The following CSMD1 variants were observed in gnomAD, a reference collection of about 807,000 sequenced individuals.
The protein encoded by CSMD1 is CUB and sushi domain-containing protein 1.
A neutral mutation model predicts 417.5 loss-of-function variants in CSMD1; 213 were observed. The ratio of observed to expected loss-of-function variants is 0.51; its 90% CI spans 0.46 to 0.57. The LOEUF (loss-of-function observed/expected upper bound fraction) is 0.57, where lower values mean the gene tolerates loss of function less well. Ranked by LOEUF, CSMD1 falls within the 20% of genes least tolerant of loss-of-function variation. The probability of loss-of-function intolerance (pLI) is 0.00; values close to 1 mark genes in which losing one functional copy is unlikely to be tolerated. For synonymous variants in CSMD1, 2,862 were observed against 1,736.8 expected (o/e 1.65, Z -16.11); for missense variants, 6,923 against 4,529.7 (o/e 1.53, Z -15.17).
intron 11 of CSMD1, among the ~76,000 whole-genome samples, chr8:3,472,123 A>T (rs2117202610): frequency 6.6e-6 from 1 of 152,134 alleles, no homozygotes; most frequent in Admixed American, 6.5e-5. Context: ...CCTGTGGGCA[A>T]TCTGATAATG....
intron 1 of CSMD1, among the ~76,000 whole-genome samples, chr8:4,794,710 G>C (rs1178948011): frequency 6.6e-6 from 1 of 152,196 alleles, no homozygotes; most frequent in African/African-American, 2.4e-5. Flanking sequence ...CCATGTGGCA[G>C]AGTATTTTCT....
intron 1 of CSMD1, among the ~76,000 whole-genome samples, chr8:4,943,843 A>C (rs1808189773): frequency 6.6e-6 from 1 of 152,222 alleles, no homozygotes; most frequent in South Asian, 2.1e-4. Context: ...GAACAAATCG[A>C]AGCCAAGATA....
At chr8:4,101,827 C>T (rs530383115) in intron 3 of CSMD1, among the ~76,000 whole-genome samples, 7 of 4,782 alleles carry the variant, frequency 1.5e-3, no homozygotes, top group East Asian at 0.12. Context: ...TTACTCACTC[C>T]GCACATCTCT....
chr8:2,988,288 A>C (rs1181420644), intron 54 of CSMD1, among the ~76,000 whole-genome samples: 1 of 152,166 alleles, frequency 6.6e-6, no homozygotes, highest in African/African-American at 2.4e-5. Context: ...ATGCTTATGT[A>C]CATAAGCATA....
chr8:4,210,505 CTT>C (rs1392625440), intron 3 of CSMD1, among the ~76,000 whole-genome samples: 3 of 151,980 alleles, frequency 2.0e-5, no homozygotes, highest in African/African-American at 4.8e-5. Context: ...ATTTTCTTCT[CTT>C]ATATCTTAGT....
chr8:4,356,816 C>T lies in CSMD1; in HGVS notation c.415+63137G>A, dbSNP rs143283673. On this transcript the variant is annotated intron_variant, in intron 3 of 69. Coordinates refer to ENST00000635120, the MANE Select transcript of CSMD1 (RefSeq NM_033225.6). Reference sequence around the variant, plus strand: ...CAGGCCCAGCCCCTGACCGACTTGACAATGGCGCACATTCCTAGTTGTTCA... The same window carrying T: ...CAGGCCCAGCCCCTGACCGACTTGATAATGGCGCACATTCCTAGTTGTTCA... Among the ~76,000 whole-genome samples, 857 of 152,310 alleles carry T rather than the reference C, an allele frequency of 5.6e-3. 6 individuals carry two copies. Among genetic ancestry groups the T allele is most frequent in the African/African-American group, 0.019 (785 of 41,572 alleles).
intron 2 of CSMD1, among the ~76,000 whole-genome samples, chr8:4,556,084 G>A (rs1305189540): frequency 1.3e-5 from 2 of 151,728 alleles, no homozygotes; most frequent in Non-Finnish European, 2.9e-5. Context: ...ATTTACTTAG[G>A]GAATGTTTGC....
At position 3,289,952 on chromosome 8, in the gene CSMD1, A is replaced by G. The variant is rs576025259; in HGVS notation, c.3951-5606T>C. On this transcript the variant is annotated intron_variant, in intron 25 of 69. Coordinates refer to ENST00000635120, the MANE Select transcript of CSMD1 (RefSeq NM_033225.6). ...TTAGGTTTTCTTCTAGGGTTTTTAT[A>G]GTATTAGGTCTAACATTTAAGTCTT... Among the ~76,000 whole-genome samples, 304 of 147,558 alleles carry G rather than the reference A, an allele frequency of 2.1e-3. 12 individuals carry two copies. In the Middle Eastern group the frequency reaches 0.041, roughly 20 times the overall value.
intron 3 of CSMD1, among the ~76,000 whole-genome samples, chr8:4,342,213 GTGTGTGTGTGTGTGTGTGT>G (rs1800518065): frequency 8.9e-5 from 1 of 11,222 alleles, no homozygotes; most frequent in African/African-American, 4.6e-4. Context: ...GTCTGTGTGT[GTGTGTGTGTGTGTGTGTGT>G]CTGTGTGTGT....
At chr8:4,103,171 A>C (rs1801392695) in intron 3 of CSMD1, among the ~76,000 whole-genome samples, 2 of 152,162 alleles carry the variant, frequency 1.3e-5, no homozygotes, top group Admixed American at 1.3e-4. Context: ...GCCAGTCAGC[A>C]CAAAACCAGT....
intron 2 of CSMD1, among the ~76,000 whole-genome samples, chr8:4,515,986 C>T (rs1803097684): frequency 6.6e-6 from 1 of 152,150 alleles, no homozygotes; most frequent in Non-Finnish European, 1.5e-5. Context: ...AGCTGTTACC[C>T]ATTGATAAGA....
At chr8:3,769,802 C>G (rs1043243867) in intron 5 of CSMD1, among the ~76,000 whole-genome samples, 4 of 152,154 alleles carry the variant, frequency 2.6e-5, no homozygotes, top group African/African-American at 4.8e-5. Context: ...AGCACATCAC[C>G]TTACGATGCA....
At position 3,224,775 on chromosome 8, in the gene CSMD1, G is replaced by A. The variant is rs532418903; in HGVS notation, c.4346-908C>T. Among the ~76,000 whole-genome samples the A allele has an allele frequency of 4.9e-4, 74 of 152,282 alleles. No individual in the cohort carries two copies. The South Asian group carries it at 0.015, about 32-fold the overall frequency. On this transcript the variant is annotated intron_variant, in intron 27 of 69. Transcript: ENST00000635120. The stretch of plus-strand genomic sequence containing the variant: ...AATAGGCAAGCCAGTTTTTGTTCTT[G>A]AATTGGAAAGTATTTAGGATTGTTT...
chr8:4,718,270 C>T (rs1216308561), intron 1 of CSMD1, among the ~76,000 whole-genome samples: 1 of 152,192 alleles, frequency 6.6e-6, no homozygotes, highest in Non-Finnish European at 1.5e-5. Context: ...AGCCACCATG[C>T]TAAACCATAC....
intron 4 of CSMD1, among the ~76,000 whole-genome samples, chr8:4,022,383 A>G (rs1231279939): frequency 6.6e-6 from 1 of 152,056 alleles, no homozygotes; most frequent in Non-Finnish European, 1.5e-5. Context: ...CACTGTAAAA[A>G]TTATGGGAGG....
chr8:4,838,300 T>C (rs917081897), intron 1 of CSMD1, among the ~76,000 whole-genome samples: 1 of 152,206 alleles, frequency 6.6e-6, no homozygotes, highest in Non-Finnish European at 1.5e-5. Flanking sequence ...GTCACTGTGC[T>C]AACGTAAGCG....
intron 1 of CSMD1, among the ~76,000 whole-genome samples, chr8:4,849,406 C>G (rs185493592): frequency 2.3e-3 from 342 of 151,390 alleles, no homozygotes; most frequent in Admixed American, 4.0e-3. Context: ...GAAAAAAATA[C>G]TTTTTGTAAG....
At chr8:4,025,231 T>C (rs529797177) in intron 4 of CSMD1, among the ~76,000 whole-genome samples, 24 of 152,316 alleles carry the variant, frequency 1.6e-4, no homozygotes, top group Admixed American at 1.2e-3. Flanking sequence ...TGGAGGAGGA[T>C]TTTCTAAATA....
chr8:3,001,162 T>C (rs1056963781), intron 52 of CSMD1, among the ~76,000 whole-genome samples: 15 of 152,060 alleles, frequency 9.9e-5, no homozygotes, highest in African/African-American at 3.4e-4. Flanking sequence ...AATTTTTTTA[T>C]TATTATTATT....
Sources: allele counts gnomAD v4.1 joint callset (sites outside exome capture counted in the v4.1 genomes callset), GRCh38; gene constraint gnomAD v4.1.1; transcripts MANE v1.5; gene names NCBI Gene and HGNC (gene_info 2026-07-23, HGNC 2026-07-21).